Variants in OR9Q1 observed in about 807,000 individuals in gnomAD.
OR9Q1 encodes olfactory receptor 9Q1.
For synonymous variants in OR9Q1, 153 were observed against 148.6 expected, an observed-to-expected ratio of 1.03 and a Z score of -0.22; for missense variants, 374 against 378.8, an observed-to-expected ratio of 0.99 and a Z score of 0.11.
At chr11:58,176,087 G>A (rs867083264) in intron 2 of OR9Q1, among the ~76,000 whole-genome samples, 1 of 152,208 alleles carries the variant, frequency 6.6e-6, no homozygotes, top group Non-Finnish European at 1.5e-5. Flanking sequence ...GTCTTGCTGA[G>A]GTTTCTGTGT....
At chr11:58,024,829 G>A (rs1163418552) in intron 1 of OR9Q1, among the ~76,000 whole-genome samples, 1 of 152,180 alleles carries the variant, frequency 6.6e-6, no homozygotes, top group Non-Finnish European at 1.5e-5. Flanking sequence ...AGCCTTGGCG[G>A]GGCTCCGAGC....
chr11:58,132,044 ATCT>A (rs1854146729), intron 2 of OR9Q1, among the ~76,000 whole-genome samples: 1 of 152,180 alleles, frequency 6.6e-6, no homozygotes, highest in Non-Finnish European at 1.5e-5. Flanking sequence ...TATATGTATC[ATCT>A]TCTTCAACTT....
At chr11:58,109,558 T>C (rs1853879482) in intron 2 of OR9Q1, 1 of 457,456 alleles carries the variant, frequency 2.2e-6, no homozygotes, top group African/African-American at 2.0e-5. Flanking sequence ...AGTGACAAGA[T>C]AGAAACTGAG....
chr11:58,110,728 A>G (rs1853891565), intron 2 of OR9Q1, among the ~76,000 whole-genome samples: 1 of 152,008 alleles, frequency 6.6e-6, no homozygotes, highest in Admixed American at 6.6e-5. Context: ...TTACCTCTGT[A>G]CTCTAGAGGT....
intron 2 of OR9Q1, among the ~76,000 whole-genome samples, chr11:58,065,096 T>A (rs1853415445): frequency 6.6e-6 from 1 of 152,078 alleles, no homozygotes; most frequent in South Asian, 2.1e-4. Context: ...CTCTACAAAC[T>A]CAGGCAGACA....
chr11:58,028,058 G>C (rs1333536889), intron 1 of OR9Q1, among the ~76,000 whole-genome samples: 1 of 151,120 alleles, frequency 6.6e-6, no homozygotes, highest in Non-Finnish European at 1.5e-5. Flanking sequence ...TTTGTACCAG[G>C]CCCTGGGGCA....
At chr11:58,045,088 A>T (rs1853203185) in intron 1 of OR9Q1, 2 of 152,232 alleles carry the variant, frequency 1.3e-5, no homozygotes, top group African/African-American at 4.8e-5. Context: ...TGAATTTCAT[A>T]TTTAGACTTG....
chr11:58,063,129 T>C (rs779623873), intron 2 of OR9Q1, among the ~76,000 whole-genome samples: 11 of 152,112 alleles, frequency 7.2e-5, no homozygotes, highest in Non-Finnish European at 1.3e-4. Context: ...GAGGGAGCAG[T>C]TTCATATAGG....
intron 1 of OR9Q1, chr11:58,045,264 ACT>A (rs1262003041): frequency 6.6e-6 from 1 of 151,944 alleles, no homozygotes; most frequent in African/African-American, 2.4e-5. Flanking sequence ...ACAGGACCTC[ACT>A]CTGTCACCCA....
rs1854430743 is a variant in OR9Q1 at position 58,158,672 on chromosome 11, C to T, written c.-14-20759C>T. Among the ~76,000 whole-genome samples the T allele has an allele frequency of 2.6e-5, 4 of 152,106 alleles. No individual in the cohort carries two copies. The South Asian group carries it at 8.3e-4, about 32-fold the overall frequency. On this transcript the variant is annotated intron_variant, in intron 2 of 2. Coordinates refer to ENST00000335397, the MANE Select transcript of OR9Q1 (RefSeq NM_001005212.4). ...TGGTTCCATCTTCCAGGCCATAGTT[C>T]ACTGAAACAGGAGAGGCCACCTGAC... is the stretch of plus-strand genomic sequence containing the variant.
Position 58,181,070 on chromosome 11 carries a change from A to G in OR9Q1, c.*693A>G, listed in dbSNP as rs1264855868. 6.0e-6 allele frequency: 1 copy of G among 167,076 alleles called. No homozygotes were observed. Among genetic ancestry groups the G allele is most frequent in the African/African-American group, 2.4e-5 (1 of 41,462 alleles). The allele number at this position is 167,076 out of a possible 1,614,324, so 10.3% of individuals were successfully genotyped here. On this transcript the variant is annotated 3_prime_UTR_variant, in exon 3 of 3. Transcript: ENST00000335397. ...GTAGTAGTTCTCAAGAAGGCCTCAC[A>G]CAAACTTTTAACAATGCCTACAATA...
At chr11:58,162,265 C>T (rs1232242676) in intron 2 of OR9Q1, among the ~76,000 whole-genome samples, 1 of 152,176 alleles carries the variant, frequency 6.6e-6, no homozygotes, top group Non-Finnish European at 1.5e-5. Flanking sequence ...AATCACCTTT[C>T]ATCTTTTGGA....
At chr11:58,129,750 C>G (rs971778981) in intron 2 of OR9Q1, among the ~76,000 whole-genome samples, 3 of 152,142 alleles carry the variant, frequency 2.0e-5, no homozygotes, top group Non-Finnish European at 2.9e-5. Context: ...TCTGTCGCTA[C>G]TCCAAATAGT....
chr11:58,146,481 C>T (rs943569418), intron 2 of OR9Q1, among the ~76,000 whole-genome samples: 18 of 152,066 alleles, frequency 1.2e-4, no homozygotes, highest in African/African-American at 4.1e-4. Context: ...ATTATATCTA[C>T]TATGTATCAA....
intron 2 of OR9Q1, chr11:58,124,381 C>G (rs1590603995): frequency 6.6e-6 from 1 of 152,264 alleles, no homozygotes; most frequent in East Asian, 1.9e-4. Flanking sequence ...GAAAAAGACT[C>G]CTCTAATTCA....
chr11:58,093,838 C>T (rs1433002892), intron 2 of OR9Q1, among the ~76,000 whole-genome samples: 1 of 148,772 alleles, frequency 6.7e-6, no homozygotes, highest in Non-Finnish European at 1.5e-5. Flanking sequence ...TGCTTATACA[C>T]TATTAGTGTG....
chr11:58,163,753 G>A (rs1414738478), intron 2 of OR9Q1, among the ~76,000 whole-genome samples: 1 of 152,158 alleles, frequency 6.6e-6, no homozygotes, highest in African/African-American at 2.4e-5. Flanking sequence ...AAATAGCTGG[G>A]CAGGGGGCCG....
chr11:58,045,695 T>C (rs936426650), intron 1 of OR9Q1, among the ~76,000 whole-genome samples: 5 of 152,212 alleles, frequency 3.3e-5, no homozygotes, highest in African/African-American at 1.2e-4. Flanking sequence ...TCTAGGCTCA[T>C]CAAATCCCTT....
chr11:58,119,341 T>C (rs752910319), intron 2 of OR9Q1: 2 of 1,613,696 alleles, frequency 1.2e-6, no homozygotes, highest in Admixed American at 3.3e-5. Context: ...GGTGACTAGG[T>C]AGAAACTCAG....
Sources: gnomAD v4.1 joint callset for allele counts (sites outside exome capture counted in the v4.1 genomes callset) on GRCh38, gnomAD v4.1.1 for gene constraint, MANE v1.5 for transcripts, NCBI Gene and HGNC (gene_info 2026-07-23, HGNC 2026-07-21) for gene names.